Variants in TBC1D14 observed in about 807,000 individuals in gnomAD.
TBC1D14 encodes TBC1 domain family, member 14.
TBC1D14 carries 26 observed loss-of-function variants against 79.0 expected under a neutral mutation model. The observed-to-expected ratio is 0.33, with a 90% CI of 0.24 to 0.46. TBC1D14 has a LOEUF of 0.46. TBC1D14 is among the 20% of genes least tolerant of loss of function. TBC1D14 has a pLI of 1.00. For missense variants in TBC1D14, 769 were observed against 887.6 expected, an observed-to-expected ratio of 0.87 and a Z score of 1.70; for synonymous variants, 394 against 349.9, an observed-to-expected ratio of 1.13 and a Z score of -1.40.
At position 7,028,660 on chromosome 4, in the gene TBC1D14, C is replaced by A. The variant is rs530500057; in HGVS notation, c.2017-1667C>A. On this transcript the variant is annotated intron_variant, in intron 13 of 13. Transcript: ENST00000409757. ...CAGGCTGGTCTCAAATTCCTGACCTCGCGATCCACCTACCTCAGCCTCCCA... is the reference window on the plus strand; with the variant it reads ...CAGGCTGGTCTCAAATTCCTGACCTAGCGATCCACCTACCTCAGCCTCCCA... Among the ~76,000 whole-genome samples, 5 of 152,192 alleles carry A rather than the reference C, an allele frequency of 3.3e-5. No homozygotes were observed. In the East Asian group the frequency reaches 9.7e-4, roughly 29 times the overall value.
At chr4:6,943,137 T>C (rs1199416388) in intron 2 of TBC1D14, among the ~76,000 whole-genome samples, 1 of 152,020 alleles carries the variant, frequency 6.6e-6, no homozygotes, top group Non-Finnish European at 1.5e-5. Context: ...GGGGAGAGCG[T>C]GTGTAGGGAC....
intron 2 of TBC1D14, among the ~76,000 whole-genome samples, chr4:6,938,382 A>G (rs1712554380): frequency 6.6e-6 from 1 of 152,088 alleles, no homozygotes; most frequent in South Asian, 2.1e-4. Context: ...GCAAGGGGGG[A>G]AGTCAATGCC....
At chr4:6,985,196 T>A (rs1247463358) in intron 3 of TBC1D14, among the ~76,000 whole-genome samples, 1 of 152,208 alleles carries the variant, frequency 6.6e-6, no homozygotes, top group Non-Finnish European at 1.5e-5. Context: ...TTCTCCTACA[T>A]AACCATGACT....
At chr4:6,925,422 G>A (rs1724215626) in intron 2 of TBC1D14, among the ~76,000 whole-genome samples, 1 of 152,208 alleles carries the variant, frequency 6.6e-6, no homozygotes, top group African/African-American at 2.4e-5. Flanking sequence ...AGACATTGCA[G>A]TACCGGGTGT....
chr4:6,925,780 G>C (rs1394616664), intron 2 of TBC1D14, among the ~76,000 whole-genome samples: 1 of 152,164 alleles, frequency 6.6e-6, no homozygotes, highest in Non-Finnish European at 1.5e-5. Flanking sequence ...GCTGTGGTTA[G>C]ATTTGTGTGG....
At chr4:6,929,902 C>T (rs543771651) in intron 2 of TBC1D14, among the ~76,000 whole-genome samples, 2 of 152,314 alleles carry the variant, frequency 1.3e-5, no homozygotes, top group African/African-American at 4.8e-5. Flanking sequence ...TGGAGACAGA[C>T]TCAGAAAGGC....
intron 5 of TBC1D14, among the ~76,000 whole-genome samples, chr4:6,996,613 G>A (rs1349263686): frequency 6.6e-6 from 1 of 152,138 alleles, no homozygotes; most frequent in African/African-American, 2.4e-5. Context: ...CGGACTGCAG[G>A]GACTCGGGGG....
Position 7,012,728 on chromosome 4 carries a change from A to C in TBC1D14, c.1648-1720A>C, listed in dbSNP as rs374160090. On this transcript the variant is annotated intron_variant, in intron 11 of 13. Transcript: ENST00000409757. Reference sequence around the variant, plus strand: ...ATGCCACAGAATTACTAGTGTTTATAGTTTTTTGAATGATGGATTAATAGT... The same window carrying C: ...ATGCCACAGAATTACTAGTGTTTATCGTTTTTTGAATGATGGATTAATAGT... Among the ~76,000 whole-genome samples the C allele has an allele frequency of 2.6e-5, 4 of 152,240 alleles. No individual in the cohort carries two copies. The East Asian group carries it at 7.7e-4, about 29-fold the overall frequency.
chr4:6,910,488 C>T (rs1357261588), intron 1 of TBC1D14: 1 of 152,404 alleles, frequency 6.6e-6, no homozygotes, highest in Non-Finnish European at 1.5e-5. Flanking sequence ...CCACGCGAAC[C>T]GTCTGTCCCT....
chr4:6,999,342 C>T (rs1351179938), intron 6 of TBC1D14, 140 bp downstream of exon 6: 1 of 729,916 alleles, frequency 1.4e-6, no homozygotes, highest in African/African-American at 1.7e-5. Context: ...TCCCTCTACC[C>T]TGGCTCAGCC....
intron 3 of TBC1D14, among the ~76,000 whole-genome samples, chr4:6,968,294 G>A (rs1368113460): frequency 1.3e-5 from 2 of 152,148 alleles, no homozygotes; most frequent in East Asian, 3.9e-4. Context: ...TGATTCCAGG[G>A]CAGGCGCAGG....
chr4:7,000,703 G>A (rs986217704), intron 6 of TBC1D14, among the ~76,000 whole-genome samples: 8 of 152,272 alleles, frequency 5.3e-5, no homozygotes, highest in Non-Finnish European at 8.8e-5. Flanking sequence ...TGCGATGGCC[G>A]TCTGCTGACT....
intron 2 of TBC1D14, among the ~76,000 whole-genome samples, chr4:6,931,301 C>T (rs1378685577): frequency 6.6e-6 from 1 of 152,198 alleles, no homozygotes; most frequent in Non-Finnish European, 1.5e-5. Context: ...AGATTGATTA[C>T]CTCTCGATTG....
chr4:7,022,001 C>T (rs1721882551), intron 12 of TBC1D14, among the ~76,000 whole-genome samples: 1 of 152,240 alleles, frequency 6.6e-6, no homozygotes, highest in Non-Finnish European at 1.5e-5. Context: ...CTGGTGTCCC[C>T]CTTCAGTGGC....
In TBC1D14 at chr4:7,024,182, T is replaced by G. The variant is rs10516182; in HGVS notation, c.1758-822T>G. Among the ~76,000 whole-genome samples, 476 of 152,176 alleles carry G rather than the reference T, an allele frequency of 3.1e-3. 1 individual carries two copies. The highest frequency in any genetic ancestry group is 0.011 in the African/African-American group (447 of 41,548). ...TGCGGGGTTTTCTGTGGAATCGTTATGGGAAAGTCAGGGTCACACTGTGGA... is the reference window on the plus strand; with the variant it reads ...TGCGGGGTTTTCTGTGGAATCGTTAGGGGAAAGTCAGGGTCACACTGTGGA... On this transcript the variant is annotated intron_variant, in intron 12 of 13. Coordinates refer to ENST00000409757, the MANE Select transcript of TBC1D14 (RefSeq NM_020773.3).
intron 13 of TBC1D14, among the ~76,000 whole-genome samples, chr4:7,025,706 C>T (rs1039895795): frequency 3.3e-5 from 5 of 152,240 alleles, no homozygotes; most frequent in Admixed American, 6.5e-5. Flanking sequence ...GGATTACCCC[C>T]CTCTTACAAC....
At chr4:6,936,533 A>G (rs539993320) in intron 2 of TBC1D14, among the ~76,000 whole-genome samples, 1 of 152,334 alleles carries the variant, frequency 6.6e-6, no homozygotes, top group Admixed American at 6.5e-5. Context: ...TTCACTGCTG[A>G]AGGACATCTT....
chr4:7,009,902 A>G lies in TBC1D14; in HGVS notation c.1472A>G (p.His491Arg), dbSNP rs1239528498. ...QQGGPYHDMLHSILGAYTCYR... is the reference protein window; with the variant it reads ...QQGGPYHDMLRSILGAYTCYR... ...GGTGGTCCATATCATGACATGTTGC[A>G]CAGTATTTTGGGCGCTTATACTTGT... The change falls in exon 10 of 14, where the codon CAC becomes CGC. Residue 491 changes from histidine (H) to arginine (R), a missense_variant. By Grantham distance (29) the His-to-Arg change is conservative. Transcript: ENST00000409757. 3 of 1,614,156 alleles carry G rather than the reference A, an allele frequency of 1.9e-6. No homozygotes were observed. The highest frequency in any genetic ancestry group is 2.5e-6 in the Non-Finnish European group (3 of 1,180,022).
intron 5 of TBC1D14, among the ~76,000 whole-genome samples, chr4:6,998,613 A>G (rs1719322499): frequency 6.6e-6 from 1 of 151,234 alleles, no homozygotes; most frequent in South Asian, 2.1e-4. Context: ...ATCTCGGCTC[A>G]CTGCAACCTC....
Sources: gnomAD v4.1 joint callset for allele counts (sites outside exome capture counted in the v4.1 genomes callset) on GRCh38, gnomAD v4.1.1 for gene constraint, MANE v1.5 for transcripts, NCBI Gene and HGNC (gene_info 2026-07-23, HGNC 2026-07-21) for gene names.